GPC6: variants seen among roughly 807,000 people sequenced by gnomAD.
GPC6 encodes glypican-6.
In GPC6, 14 loss-of-function variants were observed where a neutral mutation model predicts 55.2. The ratio of observed to expected loss-of-function variants is 0.25; its 90% CI spans 0.17 to 0.40. The LOEUF is 0.40. Ranked by LOEUF, GPC6 falls within the 10% of genes least tolerant of loss-of-function variation. The probability of loss-of-function intolerance (pLI) is 1.00; values close to 1 mark genes in which losing one functional copy is unlikely to be tolerated. For synonymous variants in GPC6, 278 were observed against 259.6 expected (o/e 1.07, Z -0.68); for missense variants, 641 against 708.5 (o/e 0.90, Z 1.08).
intron 2 of GPC6, among the ~76,000 whole-genome samples, chr13:93,657,306 G>A (rs995283235): frequency 2.6e-5 from 4 of 151,890 alleles, no homozygotes; most frequent in Admixed American, 6.6e-5. Context: ...GCACACCTAT[G>A]AGCATCTGTT....
chr13:93,364,055 G>A (rs984676943), intron 1 of GPC6, among the ~76,000 whole-genome samples: 1 of 152,086 alleles, frequency 6.6e-6, no homozygotes, highest in Non-Finnish European at 1.5e-5. Flanking sequence ...AGATGAGTAG[G>A]TTGCGAAAAT....
intron 4 of GPC6, among the ~76,000 whole-genome samples, chr13:94,271,376 G>A (rs879662019): frequency 0.019 from 2,132 of 112,338 alleles, 29 homozygotes; most frequent in Non-Finnish European, 0.031. Flanking sequence ...ACGCGCGCGC[G>A]CGCGCGCACA....
intron 3 of GPC6, among the ~76,000 whole-genome samples, chr13:93,958,915 GTAA>G (rs1879634147): frequency 1.3e-5 from 2 of 152,030 alleles, no homozygotes; most frequent in Non-Finnish European, 2.9e-5. Flanking sequence ...GTATTTCAAA[GTAA>G]TTCAGTTTCT....
intron 2 of GPC6, among the ~76,000 whole-genome samples, chr13:93,616,083 C>A (rs1878705632): frequency 6.6e-6 from 1 of 151,968 alleles, no homozygotes; most frequent in Non-Finnish European, 1.5e-5. Context: ...TTTTCTTTAC[C>A]TAAACAATTT....
At chr13:94,093,983 A>G (rs1885583489) in intron 4 of GPC6, among the ~76,000 whole-genome samples, 1 of 152,150 alleles carries the variant, frequency 6.6e-6, no homozygotes, top group Non-Finnish European at 1.5e-5. Context: ...CAATATTTCA[A>G]TTAGATTTGA....
intron 3 of GPC6, among the ~76,000 whole-genome samples, chr13:94,022,965 C>T (rs1396314131): frequency 6.6e-6 from 1 of 152,038 alleles, no homozygotes; most frequent in Non-Finnish European, 1.5e-5. Flanking sequence ...ATGTTGTCAT[C>T]ATCAGCTTAT....
intron 4 of GPC6, among the ~76,000 whole-genome samples, chr13:94,057,602 A>G (rs982412792): frequency 1.3e-5 from 2 of 152,200 alleles, no homozygotes; most frequent in African/African-American, 4.8e-5. Context: ...AAAGAGAGGA[A>G]ATACCTTCAA....
chr13:93,415,007 A>C (rs1323989), intron 1 of GPC6, among the ~76,000 whole-genome samples: 24,649 of 152,188 alleles, frequency 0.16, 2,584 homozygotes, highest in East Asian at 0.48. Context: ...AAACAAACAC[A>C]GTTAACATTT....
At chr13:94,184,369 A>C (rs1175985244) in intron 4 of GPC6, among the ~76,000 whole-genome samples, 1 of 152,190 alleles carries the variant, frequency 6.6e-6, no homozygotes, top group African/African-American at 2.4e-5. Flanking sequence ...GAATGGGAGA[A>C]AATATTCTCA....
In GPC6 at chr13:94,265,073, G is replaced by A. The variant is rs550984115; in HGVS notation, c.878-21276G>A. Among the ~76,000 whole-genome samples, 9 of 152,290 alleles carry A rather than the reference G, an allele frequency of 5.9e-5. No individual in the cohort carries two copies. The South Asian group carries it at 6.2e-4, about 11-fold the overall frequency. On this transcript the variant is annotated intron_variant, in intron 4 of 8. Coordinates refer to ENST00000377047, the MANE Select transcript of GPC6 (RefSeq NM_005708.5). ...CAACTCAAGATGAGATTTTGGAGGG[G>A]ACACTGCCAGACCATATCAACTTGT...
intron 1 of GPC6, among the ~76,000 whole-genome samples, chr13:93,378,119 A>T (rs944489011): frequency 5.9e-5 from 9 of 152,224 alleles, no homozygotes; most frequent in African/African-American, 2.2e-4. Flanking sequence ...GAAATAATAT[A>T]GTAAGCAAAA....
chr13:93,933,540 C>G (rs1372489230), intron 3 of GPC6, among the ~76,000 whole-genome samples: 1 of 151,508 alleles, frequency 6.6e-6, no homozygotes, highest in Non-Finnish European at 1.5e-5. Flanking sequence ...TTTTTTCCAT[C>G]TGGAAATAGG....
At chr13:93,804,304 C>A (rs1886472256) in intron 2 of GPC6, among the ~76,000 whole-genome samples, 1 of 152,048 alleles carries the variant, frequency 6.6e-6, no homozygotes, top group Non-Finnish European at 1.5e-5. Flanking sequence ...CATACATTTT[C>A]AATTTTCTGA....
At chr13:94,064,805 T>C (rs1417439118) in intron 4 of GPC6, among the ~76,000 whole-genome samples, 1 of 152,168 alleles carries the variant, frequency 6.6e-6, no homozygotes, top group Non-Finnish European at 1.5e-5. Context: ...CAAACCAAAT[T>C]GTGGATTATC....
chr13:93,219,982 A>C, the GPC6 span, among the ~76,000 whole-genome samples: 20 of 152,250 alleles, frequency 1.3e-4, no homozygotes, highest in Non-Finnish European at 2.8e-4. Flanking sequence ...CATAGAAAAC[A>C]GTTACAAGAG....
chr13:94,326,331 C>A (rs1373207229), intron 6 of GPC6, among the ~76,000 whole-genome samples: 2 of 151,960 alleles, frequency 1.3e-5, no homozygotes, highest in Non-Finnish European at 2.9e-5. Flanking sequence ...GAAACAGAGG[C>A]ACAAAGTTAA....
chr13:94,286,525 G>T, intron 5 of GPC6, 46 bp downstream of exon 5: 3 of 1,549,700 alleles, frequency 1.9e-6, no homozygotes, highest in Non-Finnish European at 2.7e-6. Context: ...ATGTTATACA[G>T]GTGCAATAAC....
At chr13:93,785,715 C>T (rs1594455336) in intron 2 of GPC6, among the ~76,000 whole-genome samples, 1 of 152,104 alleles carries the variant, frequency 6.6e-6, no homozygotes, top group African/African-American at 2.4e-5. Context: ...AATCCCAGCA[C>T]TTTGGAAGGC....
At chr13:94,041,338 T>A (rs1234808910) in intron 4 of GPC6, among the ~76,000 whole-genome samples, 3 of 151,848 alleles carry the variant, frequency 2.0e-5, no homozygotes, top group African/African-American at 7.2e-5. Context: ...TCTTGATAAA[T>A]CTGTATCCAT....
Sources: allele counts gnomAD v4.1 joint callset (sites outside exome capture counted in the v4.1 genomes callset), GRCh38; gene constraint gnomAD v4.1.1; transcripts MANE v1.5; gene names NCBI Gene and HGNC (gene_info 2026-07-23, HGNC 2026-07-21).